Variants in SORT1 observed in about 807,000 individuals in gnomAD.
The protein encoded by SORT1 is sortilin.
Under a neutral mutation model 101.7 loss-of-function variants are expected in SORT1, and 39 were observed. That is an observed-to-expected ratio of 0.38 (90% confidence interval 0.30 to 0.50). SORT1 has a LOEUF of 0.50. SORT1 is among the 20% of genes least tolerant of loss of function. SORT1 has a pLI of 0.90. For synonymous variants in SORT1, 396 were observed against 393.7 expected, an observed-to-expected ratio of 1.01 and a Z score of -0.07; for missense variants, 878 against 1,040.4, an observed-to-expected ratio of 0.84 and a Z score of 2.15.
At chr1:109,355,874 A>T (rs1650283979) in intron 3 of SORT1, among the ~76,000 whole-genome samples, 1 of 151,472 alleles carries the variant, frequency 6.6e-6, no homozygotes. Context: ...TAATGTTTGC[A>T]GACTTTTTTT....
chr1:109,383,790 CATGAAGTCT>C (rs1652400961), intron 1 of SORT1, among the ~76,000 whole-genome samples: 1 of 152,190 alleles, frequency 6.6e-6, no homozygotes, highest in Admixed American at 6.5e-5. Context: ...TCCCAGTTCT[CATGAAGTCT>C]ATTCTTGGAA....
intron 14 of SORT1, among the ~76,000 whole-genome samples, chr1:109,324,196 T>C (rs1276066923): frequency 6.6e-6 from 1 of 152,176 alleles, no homozygotes; most frequent in African/African-American, 2.4e-5. Context: ...TGGCATGATC[T>C]TGGCTCATTG....
intron 15 of SORT1, among the ~76,000 whole-genome samples, chr1:109,319,836 C>T (rs890515327): frequency 2.0e-5 from 3 of 150,622 alleles, no homozygotes; most frequent in Admixed American, 6.6e-5. Flanking sequence ...CACTGTACTC[C>T]GGCCTGGGCG....
At position 109,345,732 on chromosome 1, in the gene SORT1, G is replaced by T; in HGVS notation, c.963+19C>A. The T allele has an allele frequency of 1.2e-6, 2 of 1,600,246 alleles. No individual in the cohort carries two copies. The highest frequency in any genetic ancestry group is 1.7e-6 in the Non-Finnish European group (2 of 1,175,222). On this transcript the variant is annotated intron_variant, in intron 8 of 19. Coordinates refer to ENST00000256637, the MANE Select transcript of SORT1 (RefSeq NM_002959.7). ...TTTGCAGAAATATCAGACCCCAAAGGGGAGAGGGCAATACCTACCTTATCA... is the reference window on the plus strand; with the variant it reads ...TTTGCAGAAATATCAGACCCCAAAGTGGAGAGGGCAATACCTACCTTATCA...
Position 109,341,352 on chromosome 1 carries a change from G to GT in SORT1, c.1109-474dup, listed in dbSNP as rs57784152. 7.2e-3 allele frequency among the ~76,000 whole-genome samples: 1,051 copies of GT among 145,854 alleles called. 11 individuals carry two copies. Among genetic ancestry groups the GT allele is most frequent in the African/African-American group, 0.019 (749 of 40,112 alleles). ...AGGTAAACAAAATATATGCCCCTAAGTTTTTTTTTTTTGAGATGGAGTCTC... is the reference window on the plus strand; with the variant it reads ...AGGTAAACAAAATATATGCCCCTAAGTTTTTTTTTTTTTGAGATGGAGTCTC... On this transcript the variant is annotated intron_variant, in intron 9 of 19. Transcript: ENST00000256637.
intron 6 of SORT1, 25 bp downstream of exon 6, chr1:109,350,904 A>C: frequency 6.6e-7 from 1 of 1,510,828 alleles, no homozygotes; most frequent in Non-Finnish European, 9.2e-7. Context: ...AGGGCTCTGC[A>C]CAGATGGAGT....
intron 13 of SORT1, 78 bp downstream of exon 13, chr1:109,326,914 A>T: frequency 9.0e-7 from 1 of 1,109,462 alleles, no homozygotes; most frequent in Non-Finnish European, 1.3e-6. Flanking sequence ...AGTCTGTAAC[A>T]TCCCCCCAAT....
Position 109,369,531 on chromosome 1 carries a change from C to G in SORT1, c.365G>C (p.Gly122Ala). The G allele has an allele frequency of 6.3e-7, 1 of 1,592,780 alleles. No homozygotes were observed. The highest frequency in any genetic ancestry group is 8.6e-7 in the Non-Finnish European group (1 of 1,160,628). Residue 122 changes from glycine (G) to alanine (A), a missense_variant and splice_region_variant, in exon 2 of 20, where the codon GGG becomes GCG. This residue lies in a region of SORT1 where 684 missense variants were observed against 894.5 expected (regional missense o/e 0.76). Transcript: ENST00000256637. ...TAACAGACTCAAAATATGACTTACC[C>G]CAGTGCTATCTCCAACCCAGGACAA... is the stretch of plus-strand genomic sequence containing the variant. ...VSLSWVGDST[G>A]VILVLTTFHV...
In SORT1 at chr1:109,397,870, G is replaced by A; in HGVS notation, c.23C>T (p.Ala8Val). MERPWGA[A>V]DGLSRWPHGL... ...ATGGGGCCAGCGCGAGAGGCCGTCC[G>A]CAGCTCCCCAGGGCCGCTCCATCGC... Residue 8 changes from alanine (A) to valine (V), a missense_variant, in exon 1 of 20, where the codon GCG (alanine) becomes GTG (valine). Ala to Val is a moderately conservative substitution (Grantham distance 64). This residue lies in a region of SORT1 where 194 missense variants were observed against 145.9 expected (regional missense o/e 1.33). Coordinates refer to ENST00000256637, the MANE Select transcript of SORT1 (RefSeq NM_002959.7). 7.9e-7 allele frequency: 1 copy of A among 1,268,340 alleles called. No homozygotes were observed. The highest frequency in any genetic ancestry group is 1.9e-5 in the South Asian group (1 of 51,924). 78.6% of individuals were successfully genotyped at this position (1,268,340 alleles called of 1,614,324 possible). A position where few individuals can be genotyped will look rare whatever the true frequency, so the allele number is the denominator to read the frequency against.
At chr1:109,346,863 T>TG (rs1284102571) in intron 7 of SORT1, among the ~76,000 whole-genome samples, 2 of 152,038 alleles carry the variant, frequency 1.3e-5, no homozygotes, top group South Asian at 4.1e-4. Flanking sequence ...TTTTAAGGGC[T>TG]GGGGGTCTTG....
intron 1 of SORT1, among the ~76,000 whole-genome samples, chr1:109,372,867 C>A (rs1213759917): frequency 1.3e-5 from 2 of 150,762 alleles, no homozygotes; most frequent in Admixed American, 1.3e-4. Flanking sequence ...CCACTGCACT[C>A]CAGCCTGGGC....
At chr1:109,341,686 A>T (rs1230150694) in intron 9 of SORT1, among the ~76,000 whole-genome samples, 1 of 152,184 alleles carries the variant, frequency 6.6e-6, no homozygotes, top group East Asian at 1.9e-4. Context: ...TCCAACAGAC[A>T]TAAAATTGCT....
rs190507305 is a variant in SORT1 at position 109,391,946 on chromosome 1, T to C, written c.306+5641A>G. Among the ~76,000 whole-genome samples, 10 of 152,348 alleles carry C rather than the reference T, an allele frequency of 6.6e-5. No individual in the cohort carries two copies. The East Asian group carries it at 1.3e-3, about 21-fold the overall frequency. ...AGGAGAGAAAGGGAACTGAAACTTG[T>C]AGAAATCTACAAATGCAGTATCTAG... On this transcript the variant is annotated intron_variant, in intron 1 of 19. Coordinates refer to ENST00000256637, the MANE Select transcript of SORT1 (RefSeq NM_002959.7).
intron 17 of SORT1, among the ~76,000 whole-genome samples, chr1:109,315,032 C>G (rs920634119): frequency 6.6e-6 from 1 of 152,154 alleles, no homozygotes; most frequent in Non-Finnish European, 1.5e-5. Flanking sequence ...CAAAGTTACA[C>G]TGGAAGCCTG....
chr1:109,393,051 G>A (rs1339663393), intron 1 of SORT1: 1 of 985,410 alleles, frequency 1.0e-6, no homozygotes, highest in Admixed American at 6.1e-5. Flanking sequence ...GTGTTACAAA[G>A]GTCTGGCGAT....
intron 10 of SORT1, among the ~76,000 whole-genome samples, 194 bp from the exon 11 acceptor site, chr1:109,336,540 G>C (rs1648842593): frequency 6.6e-6 from 1 of 152,206 alleles, no homozygotes; most frequent in Admixed American, 6.5e-5. Context: ...AGGTGCAGTG[G>C]TTCATGCCTG....
intron 15 of SORT1, among the ~76,000 whole-genome samples, chr1:109,320,952 C>T (rs1376754659): frequency 6.6e-6 from 1 of 152,130 alleles, no homozygotes; most frequent in Non-Finnish European, 1.5e-5. Context: ...ACCCTTCTCA[C>T]TCATAAAGGA....
At chr1:109,349,084 C>T (rs764056196) in intron 6 of SORT1, among the ~76,000 whole-genome samples, 1 of 152,122 alleles carries the variant, frequency 6.6e-6, no homozygotes, top group Non-Finnish European at 1.5e-5. Flanking sequence ...GTGGCTCATG[C>T]CCTGTAATCC....
chr1:109,359,929 T>C (rs971777553), intron 3 of SORT1, among the ~76,000 whole-genome samples: 2 of 152,226 alleles, frequency 1.3e-5, no homozygotes, highest in African/African-American at 4.8e-5. Context: ...TCCTCAGTTG[T>C]GTACCTGTGA....
Sources: gnomAD v4.1 joint callset for allele counts (sites outside exome capture counted in the v4.1 genomes callset) on GRCh38, gnomAD v4.1.1 for gene constraint, gnomAD v4.1.1 regional missense constraint, MANE v1.5 for transcripts, NCBI Gene and HGNC (gene_info 2026-07-23, HGNC 2026-07-21) for gene names.